Variants in DPP10 observed in about 807,000 individuals in gnomAD.
DPP10 encodes dipeptidyl peptidase like 10.
In DPP10, 33 loss-of-function variants were observed where a neutral mutation model predicts 120.9. The observed-to-expected ratio is 0.27, with a 90% CI of 0.21 to 0.37. DPP10 has a LOEUF of 0.37. Ranked by LOEUF, DPP10 falls within the 10% of genes least tolerant of loss-of-function variation. The probability of loss-of-function intolerance (pLI) is 1.00; values close to 1 mark genes in which losing one functional copy is unlikely to be tolerated. For synonymous variants in DPP10, 337 were observed against 326.1 expected (o/e 1.03, Z -0.36); for missense variants, 816 against 942.8 (o/e 0.87, Z 1.76).
At chr2:115,564,228 AT>A (rs2080858892) in intron 5 of DPP10, among the ~76,000 whole-genome samples, 1 of 141,446 alleles carries the variant, frequency 7.1e-6, no homozygotes, top group Non-Finnish European at 1.5e-5. Context: ...AAATTTGATC[AT>A]GTCTTTTTTT....
intron 1 of DPP10, among the ~76,000 whole-genome samples, chr2:115,261,810 A>G (rs535903747): frequency 1.2e-4 from 19 of 152,272 alleles, no homozygotes; most frequent in African/African-American, 4.1e-4. Flanking sequence ...AGGTTTAGTT[A>G]TATTATTGCA....
At chr2:115,251,017 C>T (rs949358842) in intron 1 of DPP10, among the ~76,000 whole-genome samples, 3 of 152,122 alleles carry the variant, frequency 2.0e-5, no homozygotes, top group East Asian at 1.9e-4. Context: ...TCATAGCTTT[C>T]GTCCCCGGTG....
intron 1 of DPP10, among the ~76,000 whole-genome samples, chr2:115,084,488 T>C (rs1573548687): frequency 1.3e-5 from 2 of 152,246 alleles, no homozygotes; most frequent in East Asian, 3.8e-4. Context: ...TCAAGTTCAC[T>C]GTTCTTTCCA....
intron 1 of DPP10, among the ~76,000 whole-genome samples, chr2:114,770,858 A>C (rs1433588386): frequency 1.3e-5 from 2 of 152,196 alleles, no homozygotes; most frequent in African/African-American, 4.8e-5. Flanking sequence ...TCATATACTC[A>C]AAATTTTTGA....
chr2:114,889,349 C>T (rs557658422), intron 1 of DPP10, among the ~76,000 whole-genome samples: 35 of 152,134 alleles, frequency 2.3e-4, no homozygotes, highest in South Asian at 1.0e-3. Context: ...AGGTAATCTT[C>T]AGATTCAGAT....
intron 2 of DPP10, among the ~76,000 whole-genome samples, chr2:115,313,426 T>C (rs1414380607): frequency 1.3e-5 from 2 of 152,170 alleles, no homozygotes; most frequent in Non-Finnish European, 2.9e-5. Context: ...CCAATGATAA[T>C]AATGCCTTGT....
intron 3 of DPP10, among the ~76,000 whole-genome samples, chr2:115,494,621 GTT>G (rs2076297049): frequency 6.6e-6 from 1 of 152,050 alleles, no homozygotes; most frequent in South Asian, 2.1e-4. Flanking sequence ...AAATCTTGTT[GTT>G]TAACAAACCC....
intron 1 of DPP10, among the ~76,000 whole-genome samples, chr2:114,813,221 A>G (rs1685333691): frequency 1.3e-5 from 2 of 152,220 alleles, no homozygotes; most frequent in Non-Finnish European, 2.9e-5. Flanking sequence ...TGAAAATGAT[A>G]TACAATTTAC....
At chr2:114,834,851 A>ACCTATGTATATATAAGCCATGTCTACG (rs1687552213) in intron 1 of DPP10, among the ~76,000 whole-genome samples, 2 of 117,082 alleles carry the variant, frequency 1.7e-5, no homozygotes, top group African/African-American at 1.2e-4. Context: ...CCATGTCTAC[A>ACCTATGTATATATAAGCCATGTCTACG]CACCTATGTA....
At chr2:115,312,810 G>A (rs1178750901) in intron 2 of DPP10, among the ~76,000 whole-genome samples, 1 of 152,110 alleles carries the variant, frequency 6.6e-6, no homozygotes, top group Non-Finnish European at 1.5e-5. Context: ...TCAAGCAGGT[G>A]GAAACTTTCA....
In DPP10 at chr2:114,594,919, C is replaced by T. The variant is rs1200390472; in HGVS notation, c.60+152081C>T. ...TCTCATGTTCCTTCCATTAGTCTGT[C>T]TGACTGTCTCTCTCTGTCTCCCCCA... On this transcript the variant is annotated intron_variant, in intron 1 of 25. Transcript: ENST00000410059. Among the ~76,000 whole-genome samples the T allele has an allele frequency of 3.9e-5, 6 of 151,982 alleles. No homozygotes were observed. In the East Asian group the frequency reaches 1.2e-3, roughly 29 times the overall value.
intron 3 of DPP10, among the ~76,000 whole-genome samples, chr2:115,411,102 G>A (rs1004972121): frequency 6.6e-6 from 1 of 152,192 alleles, no homozygotes; most frequent in Non-Finnish European, 1.5e-5. Context: ...GGCCGAGGTG[G>A]TGGGTGGATT....
intron 1 of DPP10, among the ~76,000 whole-genome samples, chr2:114,591,174 G>C (rs1371464887): frequency 2.0e-5 from 3 of 152,212 alleles, no homozygotes; most frequent in Non-Finnish European, 2.9e-5. Context: ...TTCGAATGGG[G>C]TAAGGTCTGC....
intron 4 of DPP10, among the ~76,000 whole-genome samples, chr2:115,512,936 G>T (rs2077309491): frequency 6.6e-6 from 1 of 151,952 alleles, no homozygotes; most frequent in Non-Finnish European, 1.5e-5. Flanking sequence ...TATTACTGAT[G>T]TTCTGCCTAC....
At chr2:115,216,216 G>A (rs1205863314) in intron 1 of DPP10, among the ~76,000 whole-genome samples, 3 of 152,108 alleles carry the variant, frequency 2.0e-5, no homozygotes, top group Non-Finnish European at 2.9e-5. Flanking sequence ...ACACTATTCA[G>A]GTGATGGTTA....
intron 5 of DPP10, among the ~76,000 whole-genome samples, chr2:115,686,154 T>C (rs573880860): frequency 6.6e-6 from 1 of 152,004 alleles, no homozygotes; most frequent in Admixed American, 6.6e-5. Flanking sequence ...TTTCACATTT[T>C]TGTGCTTTCT....
chr2:115,454,786 T>C (rs974084569), intron 3 of DPP10, among the ~76,000 whole-genome samples: 52 of 151,770 alleles, frequency 3.4e-4, no homozygotes, highest in African/African-American at 1.2e-3. Context: ...TGTACAATTA[T>C]TTTACTTCTC....
At chr2:114,588,341 C>T (rs1335856172) in intron 1 of DPP10, among the ~76,000 whole-genome samples, 1 of 152,084 alleles carries the variant, frequency 6.6e-6, no homozygotes, top group East Asian at 1.9e-4. Flanking sequence ...CACAAAAGTG[C>T]CATATTAGGC....
At chr2:115,775,616 T>C (rs1436706451) in intron 13 of DPP10, among the ~76,000 whole-genome samples, 1 of 151,976 alleles carries the variant, frequency 6.6e-6, no homozygotes, top group East Asian at 1.9e-4. Context: ...ATTCTAGGAG[T>C]ACGCACTTCC....
Sources: allele counts gnomAD v4.1 joint callset (sites outside exome capture counted in the v4.1 genomes callset), GRCh38; gene constraint gnomAD v4.1.1; transcripts MANE v1.5; gene names NCBI Gene and HGNC (gene_info 2026-07-23, HGNC 2026-07-21).